The following XYLT1 variants were observed in gnomAD, a reference collection of about 807,000 sequenced individuals.
XYLT1 encodes the protein xylosyltransferase 1, also known as beta-D-xylosyltransferase 1.
In XYLT1, 36 loss-of-function variants were observed where a neutral mutation model predicts 91.3. The ratio of observed to expected loss-of-function variants is 0.39; its 90% confidence interval spans 0.30 to 0.52. The LOEUF (loss-of-function observed/expected upper bound fraction) is 0.52. Ranked by LOEUF, XYLT1 falls within the 20% of genes least tolerant of loss-of-function variation. XYLT1 has a pLI of 0.68. For missense variants in XYLT1, 1,242 were observed against 1,284.5 expected (o/e 0.97, Z 0.51); for synonymous variants, 588 against 532.0 (o/e 1.11, Z -1.45).
chr16:17,458,796 T>C (rs2036777745), intron 1 of XYLT1, among the ~76,000 whole-genome samples: 1 of 152,188 alleles, frequency 6.6e-6, no homozygotes, highest in African/African-American at 2.4e-5. Context: ...TTTACCTGCA[T>C]GTTAAACGAG....
intron 1 of XYLT1, among the ~76,000 whole-genome samples, chr16:17,370,324 C>G (rs1009195730): frequency 3.3e-5 from 5 of 152,218 alleles, no homozygotes; most frequent in Admixed American, 3.3e-4. Context: ...GGATCCAAAG[C>G]TTACAACGAT....
At chr16:17,247,897 G>T (rs1337549202) in intron 3 of XYLT1, among the ~76,000 whole-genome samples, 2 of 152,150 alleles carry the variant, frequency 1.3e-5, no homozygotes, top group Non-Finnish European at 2.9e-5. Flanking sequence ...GGGGGCAGGG[G>T]TTGCTTTCCT....
intron 5 of XYLT1, among the ~76,000 whole-genome samples, chr16:17,172,916 T>C (rs895806042): frequency 5.9e-5 from 9 of 152,330 alleles, no homozygotes; most frequent in Non-Finnish European, 1.0e-4. Flanking sequence ...TCCTGCTTCT[T>C]GGGTAAAAGC....
Position 17,105,769 on chromosome 16 carries a change from G to C in XYLT1, c.*2926C>G, listed in dbSNP as rs1423498661. 2 of 152,120 alleles carry C rather than the reference G, an allele frequency of 1.3e-5. No individual in the cohort carries two copies. Among genetic ancestry groups the C allele is most frequent in the East Asian group, 1.9e-4 (1 of 5,196 alleles). 9.4% of individuals were successfully genotyped at this position (152,120 alleles called of 1,614,324 possible). On this transcript the variant is annotated 3_prime_UTR_variant, in exon 12 of 12. Transcript: ENST00000261381. ...CCAGAGACCACAGCCCTATGCTTTT[G>C]AAATCTTCCACAGCCCAAGCTCCAG...
At chr16:17,466,469 C>T (rs2036898694) in intron 1 of XYLT1, among the ~76,000 whole-genome samples, 1 of 152,192 alleles carries the variant, frequency 6.6e-6, no homozygotes, top group South Asian at 2.1e-4. Flanking sequence ...GCGATGATGT[C>T]AAATCTCTGC....
intron 8 of XYLT1, 132 bp downstream of exon 8, chr16:17,138,220 AACT>A: frequency 1.2e-6 from 1 of 860,982 alleles, no homozygotes; most frequent in Non-Finnish European, 1.6e-6. Context: ...TGATACTGTT[AACT>A]ATTATTAATT....
At chr16:17,176,732 C>T (rs1271704148) in intron 5 of XYLT1, among the ~76,000 whole-genome samples, 1 of 152,138 alleles carries the variant, frequency 6.6e-6, no homozygotes, top group Non-Finnish European at 1.5e-5. Flanking sequence ...AGGCATTTAG[C>T]CTGGTGGAAA....
At chr16:17,345,500 C>T (rs1408624022) in intron 2 of XYLT1, among the ~76,000 whole-genome samples, 2 of 152,212 alleles carry the variant, frequency 1.3e-5, no homozygotes, top group Non-Finnish European at 2.9e-5. Context: ...CTGCTACTTC[C>T]ACAAGAGAGA....
intron 1 of XYLT1, among the ~76,000 whole-genome samples, chr16:17,441,764 G>A (rs1463325202): frequency 5.3e-5 from 8 of 152,150 alleles, no homozygotes; most frequent in Admixed American, 5.2e-4. Flanking sequence ...GATAATGGCT[G>A]AGGATAAAGA....
intron 2 of XYLT1, among the ~76,000 whole-genome samples, chr16:17,309,795 G>A (rs1248388631): frequency 1.3e-5 from 2 of 152,218 alleles, no homozygotes; most frequent in African/African-American, 4.8e-5. Context: ...AAGATTAACA[G>A]GGTTAAGATG....
chr16:17,330,110 C>CACACAT (rs922406890), intron 2 of XYLT1, among the ~76,000 whole-genome samples: 19 of 151,422 alleles, frequency 1.3e-4, no homozygotes, highest in African/African-American at 4.6e-4. Context: ...TAGATACACA[C>CACACAT]ACACACACAC....
At chr16:17,327,807 G>A (rs1263825726) in intron 2 of XYLT1, among the ~76,000 whole-genome samples, 1 of 152,030 alleles carries the variant, frequency 6.6e-6, no homozygotes. Flanking sequence ...CCATCGCGGT[G>A]AGCCAAACTC....
At chr16:17,440,609 A>G (rs1264349716) in intron 1 of XYLT1, among the ~76,000 whole-genome samples, 2 of 152,208 alleles carry the variant, frequency 1.3e-5, no homozygotes, top group African/African-American at 4.8e-5. Context: ...ATAGAAATGG[A>G]ATCTTATCCG....
chr16:17,115,800 T>TAAAAAAAAAAA (rs71137969), intron 11 of XYLT1, among the ~76,000 whole-genome samples: 1 of 50,338 alleles, frequency 2.0e-5, no homozygotes, highest in African/African-American at 7.2e-5. Context: ...TCTGTTATAT[T>TAAAAAAAAAAA]AAAAAAAAAA....
At chr16:17,294,219 G>C (rs1303180568) in intron 2 of XYLT1, among the ~76,000 whole-genome samples, 1 of 152,118 alleles carries the variant, frequency 6.6e-6, no homozygotes. Flanking sequence ...AGTGGGGAAG[G>C]GAAAGGGAGG....
At chr16:17,340,627 AG>A (rs1431289103) in intron 2 of XYLT1, among the ~76,000 whole-genome samples, 1 of 152,246 alleles carries the variant, frequency 6.6e-6, no homozygotes. Flanking sequence ...TGGGTGACTC[AG>A]TTAACCCTTT....
At chr16:17,244,080 G>A (rs151057748) in intron 3 of XYLT1, among the ~76,000 whole-genome samples, 56 of 152,250 alleles carry the variant, frequency 3.7e-4, no homozygotes, top group African/African-American at 1.2e-3. Flanking sequence ...ATGTCCAGAC[G>A]TCCCGAGGGG....
intron 1 of XYLT1, among the ~76,000 whole-genome samples, chr16:17,385,215 G>A (rs1474426759): frequency 1.3e-5 from 2 of 150,550 alleles, no homozygotes; most frequent in Non-Finnish European, 2.9e-5. Context: ...ACTGAACCTA[G>A]TAAATAGAGG....
At chr16:17,363,153 T>C (rs1269460670) in intron 1 of XYLT1, among the ~76,000 whole-genome samples, 4 of 152,196 alleles carry the variant, frequency 2.6e-5, no homozygotes, top group Non-Finnish European at 4.4e-5. Flanking sequence ...TGCTGGAGAA[T>C]GTCCAGCTCT....
Sources: allele counts gnomAD v4.1 joint callset (sites outside exome capture counted in the v4.1 genomes callset), GRCh38; gene constraint gnomAD v4.1.1; transcripts MANE v1.5; gene names NCBI Gene and HGNC (gene_info 2026-07-23, HGNC 2026-07-21).